EPHA3: variants seen among roughly 807,000 people sequenced by gnomAD.
EPHA3 encodes ephrin type-A receptor 3.
Under a neutral mutation model 107.1 loss-of-function variants are expected in EPHA3, and 42 were observed. The ratio of observed to expected loss-of-function variants is 0.39; its 90% confidence interval spans 0.31 to 0.51. The LOEUF (loss-of-function observed/expected upper bound fraction) is 0.51. Among genes scored for constraint, EPHA3 ranks in the 20% least tolerant of loss-of-function variants. The pLI, the probability that EPHA3 is intolerant of heterozygous loss-of-function variation, is 0.78. For synonymous variants in EPHA3, 461 were observed against 424.8 expected, an observed-to-expected ratio of 1.09 and a Z score of -1.05; for missense variants, 1,183 against 1,211.2, an observed-to-expected ratio of 0.98 and a Z score of 0.35.
At chr3:89,345,221 T>A (rs1375725132) in intron 5 of EPHA3, among the ~76,000 whole-genome samples, 2 of 151,314 alleles carry the variant, frequency 1.3e-5, no homozygotes, top group Non-Finnish European at 3.0e-5. Flanking sequence ...AGAATGTATG[T>A]GGCCTTGGGG....
In EPHA3 at chr3:89,257,267, T is replaced by C. The variant is rs748478272; in HGVS notation, c.814+46747T>C. 6.6e-5 allele frequency among the ~76,000 whole-genome samples: 10 copies of C among 152,348 alleles called. No individual in the cohort carries two copies. The South Asian group carries it at 8.3e-4, about 13-fold the overall frequency. ...TCCACATCCTATCTGTGTGGAACTC[T>C]ACCTTGATAACGTTAAAAAATCCAA... is the stretch of plus-strand genomic sequence containing the variant. On this transcript the variant is annotated intron_variant, in intron 3 of 16. Transcript: ENST00000336596.
At chr3:89,344,572 G>GT (rs1347345160) in intron 5 of EPHA3, among the ~76,000 whole-genome samples, 1 of 152,118 alleles carries the variant, frequency 6.6e-6, no homozygotes, top group African/African-American at 2.4e-5. Context: ...TGAAGGGAGT[G>GT]TTTCTTTGTT....
chr3:89,335,259 T>C (rs1364359550), intron 3 of EPHA3, among the ~76,000 whole-genome samples: 1 of 152,042 alleles, frequency 6.6e-6, no homozygotes, highest in Non-Finnish European at 1.5e-5. Flanking sequence ...TATTTCCGGG[T>C]TCATAGGTGA....
At chr3:89,369,846 G>A (rs1312608886) in intron 5 of EPHA3, among the ~76,000 whole-genome samples, 1 of 150,384 alleles carries the variant, frequency 6.6e-6, no homozygotes, top group Non-Finnish European at 1.5e-5. Context: ...AGTGGGAAAA[G>A]GACATGAACA....
chr3:89,340,657 A>C (rs1202776130), intron 3 of EPHA3, among the ~76,000 whole-genome samples: 1 of 152,194 alleles, frequency 6.6e-6, no homozygotes, highest in Non-Finnish European at 1.5e-5. Context: ...TGAAAACACA[A>C]GCTGGAAATT....
chr3:89,360,044 C>G (rs1708059617), intron 5 of EPHA3, among the ~76,000 whole-genome samples: 1 of 149,844 alleles, frequency 6.7e-6, no homozygotes, highest in African/African-American at 2.4e-5. Context: ...CAAGAGTTTG[C>G]CAGTCCTATT....
intron 3 of EPHA3, among the ~76,000 whole-genome samples, chr3:89,295,805 G>T (rs1480215932): frequency 6.6e-6 from 1 of 151,772 alleles, no homozygotes; most frequent in Non-Finnish European, 1.5e-5. Flanking sequence ...GGCCAGGCTG[G>T]TCTCGAACTC....
intron 3 of EPHA3, among the ~76,000 whole-genome samples, chr3:89,325,772 A>T (rs1220862166): frequency 6.6e-6 from 1 of 152,120 alleles, no homozygotes; most frequent in Non-Finnish European, 1.5e-5. Context: ...TACCATAAAT[A>T]TTATTCAACT....
rs560302983 is a variant in EPHA3, at chr3:89,108,078, C to A, written c.88+242C>A. ...AATCTGACACCATTTCGAGCAATTA[C>A]CTTGTTTGCCAATTTGAGCAGAAAG... On this transcript the variant is annotated intron_variant, in intron 1 of 16. Coordinates refer to ENST00000336596, the MANE Select transcript of EPHA3 (RefSeq NM_005233.6). 8.5e-5 allele frequency among the ~76,000 whole-genome samples: 13 copies of A among 152,186 alleles called. No homozygotes were observed. In the South Asian group the frequency reaches 2.7e-3, roughly 32 times the overall value.
chr3:89,179,647 G>A (rs1378745297), intron 2 of EPHA3, among the ~76,000 whole-genome samples: 3 of 140,550 alleles, frequency 2.1e-5, no homozygotes, highest in African/African-American at 8.0e-5. Context: ...TTCAAATGTT[G>A]CCAATATTTT....
intron 3 of EPHA3, among the ~76,000 whole-genome samples, chr3:89,328,826 A>G (rs1707228463): frequency 6.6e-6 from 1 of 152,186 alleles, no homozygotes; most frequent in African/African-American, 2.4e-5. Context: ...CTAGGCATGG[A>G]GTAGGTTTCA....
chr3:89,250,451 C>T (rs908743868), intron 3 of EPHA3, among the ~76,000 whole-genome samples: 2 of 152,174 alleles, frequency 1.3e-5, no homozygotes, highest in Non-Finnish European at 1.5e-5. Context: ...TTTATCTACC[C>T]TATTATCACC....
intron 1 of EPHA3, among the ~76,000 whole-genome samples, chr3:89,114,916 T>C (rs1394480865): frequency 1.3e-5 from 2 of 152,202 alleles, no homozygotes; most frequent in Non-Finnish European, 2.9e-5. Context: ...ACCTGAGGAA[T>C]AGACTTTAAT....
At chr3:89,141,218 C>T (rs952664000) in intron 2 of EPHA3, among the ~76,000 whole-genome samples, 4 of 151,402 alleles carry the variant, frequency 2.6e-5, no homozygotes, top group Non-Finnish European at 5.9e-5. Context: ...TACATTATGC[C>T]AAGGGTTTGG....
intron 11 of EPHA3, among the ~76,000 whole-genome samples, chr3:89,421,065 G>A (rs1709344111): frequency 6.6e-6 from 1 of 151,238 alleles, no homozygotes; most frequent in Non-Finnish European, 1.5e-5. Flanking sequence ...CCCCAACTCT[G>A]AACCCAAACA....
intron 5 of EPHA3, among the ~76,000 whole-genome samples, chr3:89,395,600 A>C (rs1489645567): frequency 2.0e-5 from 3 of 152,182 alleles, no homozygotes; most frequent in Non-Finnish European, 4.4e-5. Flanking sequence ...AGAGAATCTC[A>C]GCACATTTTC....
chr3:89,126,484 T>C (rs1704099108), intron 1 of EPHA3, among the ~76,000 whole-genome samples: 1 of 151,730 alleles, frequency 6.6e-6, no homozygotes, highest in African/African-American at 2.4e-5. Context: ...TGCTATATTT[T>C]ACTTTTTGTA....
chr3:89,127,793 A>C (rs1243684664), intron 2 of EPHA3, among the ~76,000 whole-genome samples: 1 of 152,098 alleles, frequency 6.6e-6, no homozygotes, highest in Non-Finnish European at 1.5e-5. Flanking sequence ...AATATTACTT[A>C]GAAAAAATCT....
At chr3:89,146,026 T>G (rs1402704923) in intron 2 of EPHA3, among the ~76,000 whole-genome samples, 2 of 151,912 alleles carry the variant, frequency 1.3e-5, no homozygotes, top group African/African-American at 4.8e-5. Context: ...TGATTTTGAT[T>G]TCTGTGCTTT....
Sources: gnomAD v4.1 joint callset for allele counts (sites outside exome capture counted in the v4.1 genomes callset) on GRCh38, gnomAD v4.1.1 for gene constraint, MANE v1.5 for transcripts, NCBI Gene and HGNC (gene_info 2026-07-23, HGNC 2026-07-21) for gene names.